The following LIFR variants were observed in gnomAD, a reference collection of about 807,000 sequenced individuals.
The protein encoded by LIFR is LIF receptor subunit alpha.
A neutral mutation model predicts 122.2 loss-of-function variants in LIFR; 84 were observed. The observed-to-expected ratio is 0.69, with a 90% CI of 0.58 to 0.82. LIFR has a LOEUF of 0.82. Ranked by LOEUF, LIFR falls within the 40% of genes least tolerant of loss-of-function variation. The probability of loss-of-function intolerance (pLI) is 0.00; values close to 1 mark genes in which losing one functional copy is unlikely to be tolerated. For synonymous variants in LIFR, 422 were observed against 434.7 expected (o/e 0.97, Z 0.36); for missense variants, 1,294 against 1,311.6 (o/e 0.99, Z 0.21).
intron 1 of LIFR, among the ~76,000 whole-genome samples, chr5:38,531,754 T>C (rs1361641178): frequency 5.9e-5 from 9 of 152,192 alleles, no homozygotes; most frequent in Non-Finnish European, 1.3e-4. Flanking sequence ...CCTAAATAAC[T>C]GGAGCCCATT....
upstream of LIFR, among the ~76,000 whole-genome samples, chr5:38,597,861 G>A (rs933425210): frequency 6.6e-6 from 1 of 152,184 alleles, no homozygotes; most frequent in Non-Finnish European, 1.5e-5. Flanking sequence ...AAAGTTGGTT[G>A]TTGAGTGGGG....
chr5:38,571,835 C>T (rs1749224117), intron 1 of LIFR, among the ~76,000 whole-genome samples: 1 of 152,142 alleles, frequency 6.6e-6, no homozygotes, highest in Non-Finnish European at 1.5e-5. Context: ...CATCATGAAC[C>T]TCTAAGAGAG....
chr5:38,510,185 A>C (rs1012097848), intron 7 of LIFR, among the ~76,000 whole-genome samples: 28 of 152,256 alleles, frequency 1.8e-4, no homozygotes, highest in Admixed American at 1.7e-3. Context: ...CAAAGCTGTT[A>C]ACTAAGAATT....
chr5:38,576,254 T>C (rs571570072), intron 1 of LIFR, among the ~76,000 whole-genome samples: 3 of 152,206 alleles, frequency 2.0e-5, no homozygotes, highest in Non-Finnish European at 4.4e-5. Context: ...AACAGTCCTC[T>C]CTGCTTCCTG....
intron 13 of LIFR, among the ~76,000 whole-genome samples, chr5:38,495,472 T>G (rs1240056006): frequency 1.3e-5 from 2 of 152,170 alleles, no homozygotes; most frequent in Non-Finnish European, 2.9e-5. Context: ...GGTTTGTATC[T>G]CTGAAATGCA....
At chr5:38,595,926 C>T (rs994952785), upstream of LIFR, among the ~76,000 whole-genome samples, 8 of 151,240 alleles carry the variant, frequency 5.3e-5, no homozygotes, top group East Asian at 3.9e-4. Flanking sequence ...TCAGTAGAGA[C>T]GGGGTTTCAC....
upstream of LIFR, among the ~76,000 whole-genome samples, chr5:38,596,236 T>C (rs1323379328): frequency 6.6e-6 from 1 of 152,208 alleles, no homozygotes; most frequent in Non-Finnish European, 1.5e-5. Flanking sequence ...CAAATCACCC[T>C]GGGCTGCTTA....
rs1302539649 is a variant in LIFR, at chr5:38,477,022, T to A, written c.*4573A>T. 1 of 224,004 alleles carries A rather than the reference T, an allele frequency of 4.5e-6. No individual in the cohort carries two copies. The highest frequency in any genetic ancestry group is 8.9e-6 in the Non-Finnish European group (1 of 112,316). The allele number at this position is 224,004 out of a possible 1,614,324, so 13.9% of individuals were successfully genotyped here. A position where few individuals can be genotyped will look rare whatever the true frequency, so the allele number is the denominator to read the frequency against. On this transcript the variant is annotated 3_prime_UTR_variant, in exon 20 of 20. Coordinates refer to ENST00000453190, the MANE Select transcript of LIFR (RefSeq NM_001127671.2). ...ATATTCTAGACCAAATCACACTCCCTGAAACATTACCATGTACAATAAAGC... is the reference window on the plus strand; with the variant it reads ...ATATTCTAGACCAAATCACACTCCCAGAAACATTACCATGTACAATAAAGC...
At chr5:38,487,883 C>T (rs1267900512) in intron 16 of LIFR, among the ~76,000 whole-genome samples, 4 of 152,182 alleles carry the variant, frequency 2.6e-5, no homozygotes, top group Non-Finnish European at 4.4e-5. Context: ...TGGAGAAGTT[C>T]CTTCTCAACA....
At chr5:38,593,292 G>A (rs1035937660) in intron 1 of LIFR, among the ~76,000 whole-genome samples, 5 of 152,042 alleles carry the variant, frequency 3.3e-5, no homozygotes, top group Non-Finnish European at 5.9e-5. Context: ...AAACTGGGGG[G>A]GATGTTAATG....
chr5:38,508,640 G>A (rs374223007), intron 7 of LIFR, among the ~76,000 whole-genome samples: 2 of 151,830 alleles, frequency 1.3e-5, no homozygotes, highest in East Asian at 1.9e-4. Flanking sequence ...GCAGTGGTGC[G>A]ATCTCAGCTC....
chr5:38,482,509 T>G, intron 19 of LIFR, 80 bp downstream of exon 19: 1 of 777,208 alleles, frequency 1.3e-6, no homozygotes, highest in Non-Finnish European at 2.2e-6. Context: ...AAATGACATT[T>G]GCATGTTAAA....
intron 1 of LIFR, among the ~76,000 whole-genome samples, chr5:38,538,570 G>C (rs1747413616): frequency 6.6e-6 from 1 of 152,134 alleles, no homozygotes; most frequent in Admixed American, 6.5e-5. Flanking sequence ...CATGGCACCA[G>C]TGTCTTCTGA....
In LIFR at chr5:38,539,157, TTCACCGTGGTCTCGA is replaced by T. The variant is rs533170810; in HGVS notation, c.-19-8506_-19-8492del. On this transcript the variant is annotated intron_variant, in intron 1 of 19. Coordinates refer to ENST00000453190, the MANE Select transcript of LIFR (RefSeq NM_001127671.2). ...TTGTATTTTTTAGGAGAGACGGGGT[TTCACCGTGGTCTCGA>T]TCTCCTGACCTAGTGATCCGCCTGC... Among the ~76,000 whole-genome samples, 450 of 152,206 alleles carry T rather than the reference TTCACCGTGGTCTCGA, an allele frequency of 3.0e-3. 2 individuals are homozygous for T. The highest frequency in any genetic ancestry group is 3.7e-3 in the Admixed American group (56 of 15,296).
chr5:38,560,570 ATTTTG>A (rs548740090), upstream of LIFR, among the ~76,000 whole-genome samples: 24 of 150,234 alleles, frequency 1.6e-4, no homozygotes, highest in South Asian at 4.2e-4. Flanking sequence ...ACAGGATTGC[ATTTTG>A]TTTTGTTTTG....
intron 1 of LIFR, among the ~76,000 whole-genome samples, chr5:38,549,847 T>A (rs566412742): frequency 3.7e-4 from 56 of 152,278 alleles, no homozygotes; most frequent in Non-Finnish European, 6.3e-4. Flanking sequence ...AGGGTTTTTT[T>A]AAATGTATTT....
At chr5:38,567,971 C>G (rs1046102205) in intron 1 of LIFR, among the ~76,000 whole-genome samples, 1 of 152,214 alleles carries the variant, frequency 6.6e-6, no homozygotes, top group African/African-American at 2.4e-5. Context: ...TCTGATCTGA[C>G]TGCTTTGTTG....
chr5:38,563,118 A>G (rs1209877306), intron 1 of LIFR, among the ~76,000 whole-genome samples: 1 of 152,142 alleles, frequency 6.6e-6, no homozygotes, highest in African/African-American at 2.4e-5. Flanking sequence ...CTCAAAGGGA[A>G]AGTCTGCAGC....
At chr5:38,501,682 A>C (rs752287756) in intron 11 of LIFR, among the ~76,000 whole-genome samples, 1 of 152,120 alleles carries the variant, frequency 6.6e-6, no homozygotes, top group Non-Finnish European at 1.5e-5. Context: ...CGGACATTGC[A>C]GTGAGCCGAG....
Sources: gnomAD v4.1 joint callset for allele counts (sites outside exome capture counted in the v4.1 genomes callset) on GRCh38, gnomAD v4.1.1 for gene constraint, MANE v1.5 for transcripts, NCBI Gene and HGNC (gene_info 2026-07-23, HGNC 2026-07-21) for gene names.